MCF2L2: variants seen among roughly 807,000 people sequenced by gnomAD.
MCF2L2 encodes MCF.2 cell line derived transforming sequence-like 2.
MCF2L2 carries 102 observed loss-of-function variants against 150.2 expected under a neutral mutation model. That is an observed-to-expected ratio of 0.68 (90% confidence interval 0.58 to 0.80). The LOEUF (loss-of-function observed/expected upper bound fraction) is 0.80, where lower values mean the gene tolerates loss of function less well. MCF2L2 is among the 30% of genes least tolerant of loss of function. The pLI is 0.00. For missense variants in MCF2L2, 1,256 were observed against 1,372.8 expected (o/e 0.91, Z 1.34); for synonymous variants, 465 against 491.3 (o/e 0.95, Z 0.71).
intron 7 of MCF2L2, among the ~76,000 whole-genome samples, chr3:183,314,902 CTTTTCTTTTTTTTTTTTTTTTT>C (rs1729534719): frequency 0.024 from 4 of 164 alleles, no homozygotes; most frequent in African/African-American, 0.077. Flanking sequence ...CTCTTTTTTT[CTTTTCTTTTTTTTTTTTTTTTT>C]TTTTTTTTTT....
intron 3 of MCF2L2, among the ~76,000 whole-genome samples, chr3:183,355,386 AG>A (rs1295574657): frequency 3.3e-5 from 5 of 151,738 alleles, no homozygotes; most frequent in African/African-American, 1.2e-4. Context: ...CTCTTTCAGT[AG>A]AGGGGGGCAG....
At chr3:183,417,115 CAAAAAAAAA>C (rs74989072) in intron 1 of MCF2L2, among the ~76,000 whole-genome samples, 35 of 44,236 alleles carry the variant, frequency 7.9e-4, no homozygotes, top group Middle Eastern at 0.029. Flanking sequence ...GACTCTGTCT[CAAAAAAAAA>C]AAAAAAAAAA....
In MCF2L2 at chr3:183,269,780, A is replaced by G. The variant is rs765221462; in HGVS notation, c.1862+7092T>C. The stretch of plus-strand genomic sequence containing the variant: ...GCCTGTTTAAAACTGATCCTAACTA[A>G]AAACAGACTTGAGTGGATATGAGAA... On this transcript the variant is annotated intron_variant, in intron 15 of 29. Transcript: ENST00000328913. 9.5e-6 allele frequency: 15 copies of G among 1,580,386 alleles called. No homozygotes were observed. In the East Asian group the frequency reaches 2.7e-4, roughly 28 times the overall value.
chr3:183,185,284 G>A (rs11708313), intron 27 of MCF2L2, among the ~76,000 whole-genome samples: 24,071 of 152,250 alleles, frequency 0.16, 2,214 homozygotes, highest in East Asian at 0.29. Context: ...TTCACTTGGG[G>A]GTGGGAAGTG....
Position 183,428,228 on chromosome 3 carries a change from G to T in MCF2L2, c.-251C>A, listed in dbSNP as rs999060485. The stretch of plus-strand genomic sequence containing the variant: ...CAGCTGGACCGAGAGAGGAGCGGCC[G>T]TTCTGCAAAAGGAAGCAAGTCGCCA... On this transcript the variant is annotated 5_prime_UTR_variant, in exon 1 of 30. Coordinates refer to ENST00000328913, the MANE Select transcript of MCF2L2 (RefSeq NM_015078.4). This position sits in a 1 kb window ranked among gnomAD's most constrained non-coding sequence, Gnocchi z 5.1. The T allele has an allele frequency of 4.2e-6, 2 of 471,548 alleles. No individual in the cohort carries two copies. Among genetic ancestry groups the T allele is most frequent in the Non-Finnish European group, 7.5e-6 (2 of 267,754 alleles). The allele number at this position is 471,548 out of a possible 1,614,324, so 29.2% of individuals were successfully genotyped here.
At chr3:183,251,250 G>A (rs1013827637) in intron 15 of MCF2L2, among the ~76,000 whole-genome samples, 4 of 152,214 alleles carry the variant, frequency 2.6e-5, no homozygotes, top group Non-Finnish European at 5.9e-5. Flanking sequence ...GGTCAAGCCT[G>A]ATACTGCTGC....
chr3:183,389,567 C>A, intron 2 of MCF2L2, 129 bp downstream of exon 2: 1 of 738,032 alleles, frequency 1.4e-6, no homozygotes, highest in Non-Finnish European at 2.3e-6. Context: ...TCAGCCTGTT[C>A]TAGTCCCGGG....
chr3:183,247,450 A>C (rs1023471206), intron 15 of MCF2L2, among the ~76,000 whole-genome samples: 1 of 152,230 alleles, frequency 6.6e-6, no homozygotes, highest in Admixed American at 6.5e-5. Context: ...GATGTCTGGC[A>C]TACCAAGGAG....
intron 3 of MCF2L2, chr3:183,372,018 G>A (rs199592239): frequency 2.5e-5 from 3 of 119,354 alleles, no homozygotes; most frequent in East Asian, 2.5e-4. Flanking sequence ...GAGGTATATC[G>A]TTTTTTTTTT....
chr3:183,257,144 T>C (rs1440588795), intron 15 of MCF2L2, among the ~76,000 whole-genome samples: 1 of 152,192 alleles, frequency 6.6e-6, no homozygotes, highest in Non-Finnish European at 1.5e-5. Flanking sequence ...TTTGCACAGA[T>C]GGAACATCTA....
Position 183,311,750 on chromosome 3 carries a change from T to A in MCF2L2, c.776A>T (p.Lys259Met). ...GCATGACAGCAATGTGGTCCCCTGC[T>A]TTCCAAGTAATTTCAGCTCATCCTA... ...KLQDELKLLG[K>M]QGTTLLSCIQ... Residue 259 changes from lysine to methionine, a missense_variant, in exon 8 of 30, where the codon AAG (lysine) becomes ATG (methionine). Physicochemically the swap from Lys to Met is moderately conservative, Grantham distance 95. Transcript: ENST00000328913. The A allele has an allele frequency of 1.2e-6, 2 of 1,613,836 alleles. No homozygotes were observed. Among genetic ancestry groups the A allele is most frequent in the South Asian group, 2.2e-5 (2 of 90,996 alleles).
chr3:183,254,677 C>T (rs563387888), intron 15 of MCF2L2: 4 of 152,350 alleles, frequency 2.6e-5, no homozygotes, highest in African/African-American at 4.8e-5. Flanking sequence ...GGCTTGCGGC[C>T]ACCCGCCTCC....
At chr3:183,184,826 C>T (rs1462988354) in intron 27 of MCF2L2, among the ~76,000 whole-genome samples, 6 of 152,160 alleles carry the variant, frequency 3.9e-5, no homozygotes, top group Non-Finnish European at 8.8e-5. Flanking sequence ...GCTGGTTCAG[C>T]GGTAGCTCTC....
rs1367094837 is a variant in MCF2L2 at position 183,219,940 on chromosome 3, A to G, written c.2302-16T>C. On this transcript the variant is annotated splice_polypyrimidine_tract_variant and intron_variant, in intron 20 of 29. Transcript: ENST00000328913. Reference sequence around the variant, plus strand: ...CCAGCAGACCCTGCATTAACCCAAAAGTCTTGTTGAAAATTAAAATGTACA... The same window carrying G: ...CCAGCAGACCCTGCATTAACCCAAAGGTCTTGTTGAAAATTAAAATGTACA... 1 of 1,596,394 alleles carries G rather than the reference A, an allele frequency of 6.3e-7. No homozygotes were observed. Among genetic ancestry groups the G allele is most frequent in the Non-Finnish European group, 8.6e-7 (1 of 1,166,324 alleles).
intron 5 of MCF2L2, among the ~76,000 whole-genome samples, chr3:183,325,547 C>CT (rs1560022564): frequency 6.6e-6 from 1 of 152,094 alleles, no homozygotes; most frequent in Non-Finnish European, 1.5e-5. Flanking sequence ...GGTATTTATT[C>CT]TTTCTAAAAT....
At chr3:183,419,866 C>T (rs989970936) in intron 1 of MCF2L2, among the ~76,000 whole-genome samples, 3 of 152,168 alleles carry the variant, frequency 2.0e-5, no homozygotes, top group African/African-American at 2.4e-5. Context: ...GAGTGAGACT[C>T]TGCCTCAGAA....
At chr3:183,327,503 A>C (rs1285634477) in intron 5 of MCF2L2, among the ~76,000 whole-genome samples, 1 of 152,162 alleles carries the variant, frequency 6.6e-6, no homozygotes, top group Non-Finnish European at 1.5e-5. Context: ...CCAACTTCCG[A>C]CTGGCATCGC....
At chr3:183,276,642 CTG>C (rs1450058023) in intron 15 of MCF2L2, 5 of 432,940 alleles carry the variant, frequency 1.2e-5, no homozygotes, top group African/African-American at 2.0e-5. Context: ...TTTTAAAACA[CTG>C]TATTCTTAGA....
At chr3:183,206,914 AAAGGAAGGAAGGAAGGAAGG>A (rs199935132) in intron 23 of MCF2L2, among the ~76,000 whole-genome samples, 7,468 of 122,970 alleles carry the variant, frequency 0.061, 286 homozygotes, top group Non-Finnish European at 0.069. Flanking sequence ...AGAAAGAAAG[AAAGGAAGGAAGGAAGGAAGG>A]AAGGAAGGAA....
Sources: gnomAD v4.1 joint callset for allele counts (sites outside exome capture counted in the v4.1 genomes callset) on GRCh38, gnomAD v4.1.1 for gene constraint, Gnocchi (gnomAD v3.1) non-coding constraint, MANE v1.5 for transcripts, NCBI Gene and HGNC (gene_info 2026-07-23, HGNC 2026-07-21) for gene names.